The following ABCC8 variants were observed in gnomAD, a reference collection of about 807,000 sequenced individuals.
ABCC8 encodes ATP-binding cassette sub-family C member 8.
A neutral mutation model predicts 188.0 loss-of-function variants in ABCC8; 137 were observed. The observed-to-expected ratio is 0.73, with a 90% CI of 0.63 to 0.84. The LOEUF is 0.84. Ranked by LOEUF, ABCC8 falls within the 40% of genes least tolerant of loss-of-function variation. ABCC8 has a pLI of 0.00. For synonymous variants in ABCC8, 797 were observed against 846.5 expected (o/e 0.94, Z 1.01); for missense variants, 1,750 against 2,072.7 (o/e 0.84, Z 3.02).
intron 3 of ABCC8, among the ~76,000 whole-genome samples, chr11:17,464,259 A>G (rs1189143433): frequency 6.6e-6 from 1 of 152,156 alleles, no homozygotes; most frequent in Non-Finnish European, 1.5e-5. Context: ...GCAGCTAGGG[A>G]CAGAGAGAGG....
At chr11:17,402,882 C>A (rs1954317857) in intron 28 of ABCC8, 129 bp from the exon 29 acceptor site, 4 of 1,163,426 alleles carry the variant, frequency 3.4e-6, no homozygotes, top group African/African-American at 1.5e-5. Context: ...CAGCTTCTTA[C>A]CCCGTGAAGG....
At chr11:17,431,495 C>T (rs1235383231) in intron 11 of ABCC8, among the ~76,000 whole-genome samples, 3 of 152,216 alleles carry the variant, frequency 2.0e-5, no homozygotes, top group African/African-American at 7.2e-5. Flanking sequence ...AGCTCAGGGA[C>T]ACTGGCCCCG....
chr11:17,397,633 C>T lies in ABCC8; in HGVS notation c.3867+51G>A, dbSNP rs184896974. On this transcript the variant is annotated intron_variant, in intron 31 of 38. Transcript: ENST00000389817. ...CATGTCTCCAGTGACGAAGGTGCTCCGGGAGTGCTGGTGTCTGACCCCTCC... is the reference window on the plus strand; with the variant it reads ...CATGTCTCCAGTGACGAAGGTGCTCTGGGAGTGCTGGTGTCTGACCCCTCC... The T allele has an allele frequency of 5.0e-5, 80 of 1,586,448 alleles. 1 individual carries two copies. The Admixed American group carries it at 6.7e-4, about 13-fold the overall frequency.
intron 5 of ABCC8, chr11:17,461,297 T>C: frequency 2.0e-6 from 1 of 504,730 alleles, no homozygotes; most frequent in Non-Finnish European, 3.6e-6. Context: ...GAGAGTCCAG[T>C]GGGGTCACTT....
chr11:17,451,301 T>G, intron 7 of ABCC8, among the ~76,000 whole-genome samples: 1 of 152,208 alleles, frequency 6.6e-6, no homozygotes, highest in East Asian at 1.9e-4. Context: ...AGCAACAGCT[T>G]GGTTCCTCCC....
intron 10 of ABCC8, among the ~76,000 whole-genome samples, chr11:17,440,414 C>T (rs1229489448): frequency 6.6e-6 from 1 of 152,182 alleles, no homozygotes; most frequent in Non-Finnish European, 1.5e-5. Flanking sequence ...TGAAGTGGGC[C>T]TGGGGCTAGG....
At chr11:17,457,203 C>T (rs1468666022) in intron 6 of ABCC8, among the ~76,000 whole-genome samples, 1 of 152,148 alleles carries the variant, frequency 6.6e-6, no homozygotes, top group East Asian at 1.9e-4. Flanking sequence ...AATGCATATA[C>T]ACTCATTAAG....
At chr11:17,433,046 G>A (rs1208083399) in intron 10 of ABCC8, among the ~76,000 whole-genome samples, 1 of 152,160 alleles carries the variant, frequency 6.6e-6, no homozygotes, top group African/African-American at 2.4e-5. Context: ...TGGGTAACAG[G>A]CTCTGTGAGC....
At chr11:17,398,575 C>G in intron 29 of ABCC8, 134 bp from the exon 30 acceptor site, 1 of 1,516,952 alleles carries the variant, frequency 6.6e-7, no homozygotes, top group Non-Finnish European at 8.9e-7. Flanking sequence ...TTCATGTAAG[C>G]TATCCCTCTC....
intron 20 of ABCC8, chr11:17,412,988 C>T (rs944345611): frequency 6.5e-6 from 5 of 765,072 alleles, no homozygotes; most frequent in South Asian, 1.9e-5. Flanking sequence ...CTGACCAGTA[C>T]AAACAAAGAC....
In ABCC8 at chr11:17,435,540, A is replaced by AG. The variant is rs1234399590; in HGVS notation, c.1631-3297dup. Reference sequence around the variant, plus strand: ...GTCTACAAGGTACTCTACTGCTCCAAGGGGATCTAAAAGCACAAAAGGATT... The same window carrying AG: ...GTCTACAAGGTACTCTACTGCTCCAAGGGGGATCTAAAAGCACAAAAGGATT... On this transcript the variant is annotated intron_variant, in intron 10 of 38. Coordinates refer to ENST00000389817, the MANE Select transcript of ABCC8 (RefSeq NM_000352.6). 5.0e-6 allele frequency: 6 copies of AG among 1,197,374 alleles called. No homozygotes were observed. The African/African-American group carries it at 7.5e-5, about 15-fold the overall frequency. The allele number at this position is 1,197,374 out of a possible 1,614,324, so 74.2% of individuals were successfully genotyped here. A position where few individuals can be genotyped will look rare whatever the true frequency, so the allele number is the denominator to read the frequency against.
intron 12 of ABCC8, chr11:17,429,835 T>C (rs1955764830): frequency 6.6e-6 from 1 of 152,254 alleles, no homozygotes; most frequent in Non-Finnish European, 1.5e-5. Flanking sequence ...AACCAGCTAC[T>C]GCCTGGTCAG....
intron 22 of ABCC8, among the ~76,000 whole-genome samples, chr11:17,409,957 G>A (rs1954729604): frequency 6.6e-6 from 1 of 152,088 alleles, no homozygotes; most frequent in African/African-American, 2.4e-5. Context: ...CATGATCATG[G>A]TTCACAGCAG....
intron 8 of ABCC8, chr11:17,444,398 G>T (rs1169421811): frequency 6.6e-6 from 1 of 152,202 alleles, no homozygotes; most frequent in African/African-American, 2.4e-5. Context: ...AGCTTGGGTT[G>T]GGCCTGACAA....
chr11:17,422,749 C>G (rs557462312), intron 16 of ABCC8, among the ~76,000 whole-genome samples: 1 of 152,292 alleles, frequency 6.6e-6, no homozygotes, highest in African/African-American at 2.4e-5. Flanking sequence ...TGGGTTAAAT[C>G]TTACTTCTCA....
At chr11:17,432,334 C>T in intron 10 of ABCC8, 90 bp from the exon 11 acceptor site, 4 of 1,549,838 alleles carry the variant, frequency 2.6e-6, no homozygotes, top group Non-Finnish European at 3.5e-6. Context: ...CAGCGCAGTC[C>T]AGTGGGGCCA....
chr11:17,432,969 G>T (rs576895803), intron 10 of ABCC8, among the ~76,000 whole-genome samples: 1 of 152,176 alleles, frequency 6.6e-6, no homozygotes, highest in Admixed American at 6.5e-5. Context: ...TTCCTCATAT[G>T]ATTTTTGTAA....
chr11:17,436,408 G>A (rs984515381), intron 10 of ABCC8, among the ~76,000 whole-genome samples: 2 of 152,090 alleles, frequency 1.3e-5, no homozygotes, highest in East Asian at 3.9e-4. Context: ...GAAGATCTGA[G>A]GCCTCGCCCT....
intron 38 of ABCC8, 35 bp downstream of exon 38, chr11:17,393,658 CCTGG>C: frequency 6.2e-7 from 1 of 1,613,802 alleles, no homozygotes; most frequent in Non-Finnish European, 8.5e-7. Flanking sequence ...CAGTCCTGTC[CCTGG>C]GTGTCCCTCT....
Sources: gnomAD v4.1 joint callset for allele counts (sites outside exome capture counted in the v4.1 genomes callset) on GRCh38, gnomAD v4.1.1 for gene constraint, MANE v1.5 for transcripts, NCBI Gene and HGNC (gene_info 2026-07-23, HGNC 2026-07-21) for gene names.